Variants in C3orf22 observed in about 807,000 individuals in gnomAD.
The protein encoded by C3orf22 is uncharacterized protein C3orf22.
In C3orf22, 7 loss-of-function variants were observed where a neutral mutation model predicts 10.8. The ratio of observed to expected loss-of-function variants is 0.65; its 90% CI spans 0.37 to 1.22. C3orf22 has a LOEUF of 1.22. C3orf22 is among the 50% of genes most tolerant of loss of function. The probability of loss-of-function intolerance (pLI) is 0.02; values close to 1 mark genes in which losing one functional copy is unlikely to be tolerated. For missense variants in C3orf22, 173 were observed against 177.0 expected (o/e 0.98, Z 0.13); for synonymous variants, 79 against 78.9 (o/e 1.00, Z 0.00).
chr3:126,533,160 G>T (rs141794704), intron 4 of C3orf22, among the ~76,000 whole-genome samples: 2 of 151,852 alleles, frequency 1.3e-5, no homozygotes, highest in Admixed American at 6.6e-5. Context: ...ATATATATAC[G>T]GTTATGTCAT....
intron 4 of C3orf22, among the ~76,000 whole-genome samples, chr3:126,529,841 C>A (rs541028776): frequency 2.0e-5 from 3 of 152,218 alleles, no homozygotes; most frequent in Non-Finnish European, 4.4e-5. Context: ...GCAGTCACCG[C>A]GTGGCTTTCC....
At chr3:126,539,688 CCACACACACACCACACACATATGCCA>C (rs1300545302) in intron 4 of C3orf22, among the ~76,000 whole-genome samples, 2 of 130,838 alleles carry the variant, frequency 1.5e-5, no homozygotes, top group African/African-American at 5.8e-5. Flanking sequence ...ACCACAGACA[CCACACACACACCACACACATATGCCA>C]CACACACCCC....
At chr3:126,553,722 C>A (rs1329672767) in intron 1 of C3orf22, among the ~76,000 whole-genome samples, 2 of 152,212 alleles carry the variant, frequency 1.3e-5, no homozygotes, top group African/African-American at 4.8e-5. Flanking sequence ...CTGTCCTCAT[C>A]ATGGGGCAGC....
intron 4 of C3orf22, among the ~76,000 whole-genome samples, chr3:126,537,118 G>T (rs1936812997): frequency 6.6e-6 from 1 of 152,160 alleles, no homozygotes; most frequent in South Asian, 2.1e-4. Flanking sequence ...CTCTAAAGGG[G>T]AGTATGAGGT....
At chr3:126,541,339 A>G (rs1046306713) in intron 4 of C3orf22, among the ~76,000 whole-genome samples, 3 of 152,204 alleles carry the variant, frequency 2.0e-5, no homozygotes, top group African/African-American at 4.8e-5. Flanking sequence ...GCAGTTTTCA[A>G]TTGGGTGTGG....
chr3:126,534,390 GAGAC>G (rs146830675), intron 4 of C3orf22, among the ~76,000 whole-genome samples: 17,554 of 152,124 alleles, frequency 0.12, 1,615 homozygotes, highest in African/African-American at 0.26. Context: ...GTGCAGCAAG[GAGAC>G]AGACAGACAG....
chr3:126,545,139 C>A (rs1162264148), downstream of C3orf22, among the ~76,000 whole-genome samples: 1 of 152,242 alleles, frequency 6.6e-6, no homozygotes, highest in African/African-American at 2.4e-5. Context: ...CAGGGGGGTG[C>A]CCAGGTGATT....
intron 4 of C3orf22, among the ~76,000 whole-genome samples, chr3:126,540,513 C>G (rs1213136371): frequency 6.6e-6 from 1 of 152,200 alleles, no homozygotes; most frequent in African/African-American, 2.4e-5. Context: ...CTGTACTATT[C>G]GCTTGGCATA....
downstream of C3orf22, among the ~76,000 whole-genome samples, chr3:126,545,583 T>C (rs1937054101): frequency 6.6e-6 from 1 of 152,238 alleles, no homozygotes; most frequent in Non-Finnish European, 1.5e-5. Context: ...ATTATTGTTT[T>C]GGAAGCACAG....
chr3:126,555,959 G>A (rs936476468), intron 1 of C3orf22, among the ~76,000 whole-genome samples: 1 of 152,168 alleles, frequency 6.6e-6, no homozygotes, highest in Admixed American at 6.5e-5. Flanking sequence ...CACATCTGGT[G>A]GGCAACATCG....
chr3:126,552,896 C>T (rs1175693861), intron 2 of C3orf22, among the ~76,000 whole-genome samples: 1 of 152,246 alleles, frequency 6.6e-6, no homozygotes, highest in African/African-American at 2.4e-5. Context: ...ATGTGAAGTG[C>T]CCTGTGGAGA....
At chr3:126,530,594 G>T (rs562971680) in intron 4 of C3orf22, among the ~76,000 whole-genome samples, 3 of 152,372 alleles carry the variant, frequency 2.0e-5, no homozygotes, top group Admixed American at 6.5e-5. Context: ...CTCATGGGTT[G>T]CCTGGCCCTG....
intron 4 of C3orf22, chr3:126,542,762 C>G (rs1936999666): frequency 1.1e-6 from 1 of 879,304 alleles, no homozygotes; most frequent in African/African-American, 1.8e-5. Flanking sequence ...TCAGGTGGCC[C>G]TGCACGCGTG....
At chr3:126,529,123 T>C in intron 5 of C3orf22, 1 of 406,822 alleles carries the variant, frequency 2.5e-6, no homozygotes, top group South Asian at 1.8e-5. Context: ...ATGATGGCTG[T>C]GCCCTCACCC....
intron 1 of C3orf22, among the ~76,000 whole-genome samples, chr3:126,557,854 C>T (rs1937388066): frequency 6.6e-6 from 1 of 152,210 alleles, no homozygotes; most frequent in Admixed American, 6.5e-5. Flanking sequence ...GGGTGCAGCT[C>T]TCTACACCAG....
chr3:126,543,507 G>A (rs1937016689), intron 4 of C3orf22, among the ~76,000 whole-genome samples: 1 of 152,168 alleles, frequency 6.6e-6, no homozygotes, highest in African/African-American at 2.4e-5. Context: ...CACTGTGTAG[G>A]AGGTGCTAAA....
chr3:126,528,668 C>T (rs1190173758), intron 5 of C3orf22, among the ~76,000 whole-genome samples: 2 of 152,122 alleles, frequency 1.3e-5, no homozygotes, highest in African/African-American at 4.8e-5. Context: ...GTTCTGGAGG[C>T]ACAGCCGACA....
chr3:126,557,811 C>A (rs1268521797), intron 1 of C3orf22, among the ~76,000 whole-genome samples: 1 of 152,278 alleles, frequency 6.6e-6, no homozygotes, highest in Non-Finnish European at 1.5e-5. Context: ...GAAGGGCAGG[C>A]TTCCCCACTG....
intron 4 of C3orf22, among the ~76,000 whole-genome samples, chr3:126,531,954 T>G (rs1936668860): frequency 6.6e-6 from 1 of 152,244 alleles, no homozygotes; most frequent in Admixed American, 6.5e-5. Context: ...TTTCTCCACA[T>G]CCTTGTTATT....
Sources: allele counts gnomAD v4.1 joint callset (sites outside exome capture counted in the v4.1 genomes callset), GRCh38; gene constraint gnomAD v4.1.1; transcripts MANE v1.5; gene names NCBI Gene and HGNC (gene_info 2026-07-23, HGNC 2026-07-21).